BAZ2B: variants seen among roughly 807,000 people sequenced by gnomAD.
The protein encoded by BAZ2B is bromodomain adjacent to zinc finger domain protein 2B.
Under a neutral mutation model 246.0 loss-of-function variants are expected in BAZ2B, and 91 were observed. The observed-to-expected ratio is 0.37, with a 90% CI of 0.31 to 0.44. The LOEUF (loss-of-function observed/expected upper bound fraction) is 0.44. BAZ2B is among the 20% of genes least tolerant of loss of function. The probability of loss-of-function intolerance (pLI) is 1.00; values close to 1 mark genes in which losing one functional copy is unlikely to be tolerated. For synonymous variants in BAZ2B, 855 were observed against 860.0 expected, an observed-to-expected ratio of 0.99 and a Z score of 0.10; for missense variants, 2,332 against 2,533.7, an observed-to-expected ratio of 0.92 and a Z score of 1.71.
chr2:159,491,113 CCTTAAAACAAAATT>C, intron 2 of BAZ2B, among the ~76,000 whole-genome samples: 1 of 152,174 alleles, frequency 6.6e-6, no homozygotes, highest in South Asian at 2.1e-4. Context: ...GTCATATTAA[CCTTAAAACAAAATT>C]TTTAAAGCAG....
chr2:159,469,229 G>A (rs2077472138), intron 3 of BAZ2B, among the ~76,000 whole-genome samples: 1 of 151,776 alleles, frequency 6.6e-6, no homozygotes, highest in South Asian at 2.1e-4. Context: ...AAAGACATAA[G>A]TTATGTATAT....
At chr2:159,435,021 GA>G (rs1231856411) in intron 8 of BAZ2B, 10 of 151,842 alleles carry the variant, frequency 6.6e-5, no homozygotes, top group African/African-American at 1.9e-4. Flanking sequence ...AGAAGGAGCT[GA>G]ATTTCTTAAT....
chr2:159,667,597 A>AAAATAAAT, the BAZ2B span, among the ~76,000 whole-genome samples: 463 of 142,432 alleles, frequency 3.3e-3, 1 homozygote, highest in African/African-American at 7.0e-3. Context: ...CTCTGTCTCA[A>AAAATAAAT]AAATAAATAA....
At chr2:159,412,591 A>G in intron 13 of BAZ2B, 46 bp from the exon 14 acceptor site, 1 of 1,516,730 alleles carries the variant, frequency 6.6e-7, no homozygotes, top group Non-Finnish European at 8.9e-7. Flanking sequence ...AAACAAAATA[A>G]ACACAAGAGA....
rs954076214 is a variant in BAZ2B at position 159,556,217 on chromosome 2, G to A, written c.-45-352C>T. Among the ~76,000 whole-genome samples the A allele has an allele frequency of 1.1e-4, 17 of 152,194 alleles. 1 individual carries two copies. Among genetic ancestry groups the A allele is most frequent in the African/African-American group, 2.2e-4 (9 of 41,526 alleles). On this transcript the variant is annotated intron_variant, in intron 1 of 36. Coordinates refer to ENST00000392783, the MANE Select transcript of BAZ2B (RefSeq NM_013450.4). Reference sequence around the variant, plus strand: ...AAGAGAAAAACAATGTCTTAAATACGTCACAAACTGAAGACAATTAGGTAT... The same window carrying A: ...AAGAGAAAAACAATGTCTTAAATACATCACAAACTGAAGACAATTAGGTAT...
chr2:159,400,484 G>A, intron 17 of BAZ2B, 115 bp downstream of exon 17: 1 of 651,284 alleles, frequency 1.5e-6, no homozygotes, highest in East Asian at 3.0e-5. Flanking sequence ...AATGTTTAAA[G>A]AGAATATCTG....
the BAZ2B span, among the ~76,000 whole-genome samples, chr2:159,655,853 C>T: frequency 6.6e-6 from 1 of 152,106 alleles, no homozygotes; most frequent in African/African-American, 2.4e-5. Context: ...TGTTGAGTCA[C>T]TGCTATTATG....
chr2:159,681,889 C>T, the BAZ2B span, among the ~76,000 whole-genome samples: 1 of 152,108 alleles, frequency 6.6e-6, no homozygotes, highest in African/African-American at 2.4e-5. Flanking sequence ...CACGCCACTG[C>T]ACTCCTGCCT....
intron 2 of BAZ2B, among the ~76,000 whole-genome samples, chr2:159,499,640 C>T (rs2081504488): frequency 6.6e-6 from 1 of 152,188 alleles, no homozygotes; most frequent in Non-Finnish European, 1.5e-5. Flanking sequence ...CTCCCATCAA[C>T]AGTGTAAAAG....
Position 159,349,939 on chromosome 2 carries a change from G to A in BAZ2B, c.4632C>T (p.Pro1544=). The change falls in exon 28 of 37, where the codon CCC becomes CCT. Residue 1544 remains proline, a synonymous_variant. Coordinates refer to ENST00000392783, the MANE Select transcript of BAZ2B (RefSeq NM_013450.4). The part of the protein sequence containing the change: ...SGPGKFYSPL[P]NDQLLKTLTE... ...TCAGCGTTTTTAGTAACTGGTCATTGGGGAGAGGACTGTAGAACTTCCCTG... is the reference window on the plus strand; with the variant it reads ...TCAGCGTTTTTAGTAACTGGTCATTAGGGAGAGGACTGTAGAACTTCCCTG... 6.2e-7 allele frequency: 1 copy of A among 1,614,096 alleles called. No individual in the cohort carries two copies. The highest frequency in any genetic ancestry group is 8.5e-7 in the Non-Finnish European group (1 of 1,179,970).
the BAZ2B span, among the ~76,000 whole-genome samples, chr2:159,624,951 C>G: frequency 6.6e-6 from 1 of 152,018 alleles, no homozygotes; most frequent in African/African-American, 2.4e-5. Context: ...GTTAGAGGAA[C>G]TGCTAACTAG....
chr2:159,641,327 C>T, the BAZ2B span, among the ~76,000 whole-genome samples: 1,039 of 152,244 alleles, frequency 6.8e-3, 6 homozygotes, highest in Non-Finnish European at 9.6e-3. Context: ...TGATGTTAAG[C>T]TTTTTTCCAC....
At chr2:159,652,872 C>T in the BAZ2B span, among the ~76,000 whole-genome samples, 1 of 152,054 alleles carries the variant, frequency 6.6e-6, no homozygotes, top group Non-Finnish European at 1.5e-5. Context: ...CCTATCTTGG[C>T]CTCCTAAAGT....
chr2:159,443,204 T>C (rs948535596), intron 6 of BAZ2B, among the ~76,000 whole-genome samples: 31 of 152,198 alleles, frequency 2.0e-4, no homozygotes, highest in African/African-American at 7.5e-4. Context: ...GCTATTTTGG[T>C]TGTTGTGGTA....
intron 3 of BAZ2B, among the ~76,000 whole-genome samples, chr2:159,455,352 T>C (rs542814737): frequency 2.0e-4 from 30 of 152,270 alleles, no homozygotes; most frequent in African/African-American, 6.3e-4. Context: ...AATAATGCTA[T>C]ATTCTTTACT....
chr2:159,663,210 CTT>C, the BAZ2B span, among the ~76,000 whole-genome samples: 1 of 130,400 alleles, frequency 7.7e-6, no homozygotes, highest in Non-Finnish European at 1.7e-5. Context: ...TCTTTTTTTT[CTT>C]TTTTTTTTTG....
chr2:159,657,529 TA>T, the BAZ2B span, among the ~76,000 whole-genome samples: 2 of 152,194 alleles, frequency 1.3e-5, no homozygotes, highest in Admixed American at 1.3e-4. Context: ...GAGATTCTGT[TA>T]AATCTATAAA....
intron 3 of BAZ2B, chr2:159,463,399 CA>C (rs1553639272): frequency 5.4e-6 from 1 of 184,464 alleles, no homozygotes; most frequent in Non-Finnish European, 1.1e-5. Context: ...GTAAATCCCA[CA>C]AACAGGATGG....
the BAZ2B span, among the ~76,000 whole-genome samples, chr2:159,703,177 C>T: frequency 6.6e-6 from 1 of 152,026 alleles, no homozygotes. Flanking sequence ...ACCTCTGCCT[C>T]CTGGATTCAA....
Sources: gnomAD v4.1 joint callset for allele counts (sites outside exome capture counted in the v4.1 genomes callset) on GRCh38, gnomAD v4.1.1 for gene constraint, MANE v1.5 for transcripts, NCBI Gene and HGNC (gene_info 2026-07-23, HGNC 2026-07-21) for gene names.